MANBA: variants seen among roughly 807,000 people sequenced by gnomAD.
The protein encoded by MANBA is mannosidase beta.
Under a neutral mutation model 111.1 loss-of-function variants are expected in MANBA, and 83 were observed. The observed-to-expected ratio is 0.75, with a 90% CI of 0.63 to 0.90. The LOEUF (loss-of-function observed/expected upper bound fraction) is 0.90. Ranked by LOEUF, MANBA falls within the 40% of genes least tolerant of loss-of-function variation. The pLI is 0.00. For synonymous variants in MANBA, 370 were observed against 378.7 expected (o/e 0.98, Z 0.27); for missense variants, 1,036 against 1,069.0 (o/e 0.97, Z 0.43).
At position 102,670,469 on chromosome 4, in the gene MANBA, T is replaced by G. The variant is rs534932290; in HGVS notation, c.1230+812A>C. 9.2e-5 allele frequency among the ~76,000 whole-genome samples: 14 copies of G among 152,304 alleles called. 1 individual carries two copies. The highest frequency in any genetic ancestry group is 3.4e-4 in the African/African-American group (14 of 41,574). ...GTCTTCGGTGGCACTCTTTATATTT[T>G]AGAACAACAATAATAGAACTAACAG... On this transcript the variant is annotated intron_variant, in intron 9 of 16. Coordinates refer to ENST00000647097, the MANE Select transcript of MANBA (RefSeq NM_005908.4).
At chr4:102,668,136 G>C (rs538587945) in intron 10 of MANBA, 1 of 152,298 alleles carries the variant, frequency 6.6e-6, no homozygotes, top group Non-Finnish European at 1.5e-5. Context: ...ATTTAGGGGA[G>C]AGGAAATATA....
intron 7 of MANBA, chr4:102,681,632 G>A (rs1337160354): frequency 1.3e-5 from 2 of 152,098 alleles, no homozygotes; most frequent in African/African-American, 2.4e-5. Context: ...ACATCGAATT[G>A]AAGTAACTTA....
chr4:102,690,699 C>T lies in MANBA; in HGVS notation c.746G>A (p.Gly249Asp), dbSNP rs1732436667. The change falls in exon 6 of 17, where the codon GGT (glycine) becomes GAT (aspartate). Residue 249 changes from glycine to aspartate, a missense_variant. By Grantham distance (94) the Gly-to-Asp change is moderately conservative. Coordinates refer to ENST00000647097, the MANE Select transcript of MANBA (RefSeq NM_005908.4). ...CTTAGGGATGGCTACGATCACTTGACCACCAACTGGCTTTGAGCTGACAAC... is the reference window on the plus strand; with the variant it reads ...CTTAGGGATGGCTACGATCACTTGATCACCAACTGGCTTTGAGCTGACAAC... ...FDVVSSKPVG[G>D]QVIVAIPKLQ... 1.9e-6 allele frequency: 3 copies of T among 1,609,220 alleles called. No individual in the cohort carries two copies. The South Asian group carries it at 3.3e-5, about 18-fold the overall frequency.
At chr4:102,752,698 T>C in intron 1 of MANBA, 2 of 467,280 alleles carry the variant, frequency 4.3e-6, no homozygotes, top group South Asian at 3.2e-5. Context: ...TGGTAGAAAA[T>C]CATGAAATTA....
At chr4:102,680,938 G>T (rs1731950101) in intron 7 of MANBA, among the ~76,000 whole-genome samples, 1 of 152,092 alleles carries the variant, frequency 6.6e-6, no homozygotes, top group Non-Finnish European at 1.5e-5. Context: ...TTTCCACTCT[G>T]CCACCTTCAA....
chr4:102,743,450 G>A lies in MANBA; in HGVS notation c.178-16767C>T, dbSNP rs185806585. 2.6e-3 allele frequency among the ~76,000 whole-genome samples: 389 copies of A among 152,234 alleles called. 1 individual carries two copies. The highest frequency in any genetic ancestry group is 8.9e-3 in the African/African-American group (371 of 41,522). ...TGTAGTGCTGCAGCTATCCACTTTC[G>A]GGTGGTGCCTGCATATCGTGCAGAA... is the stretch of plus-strand genomic sequence containing the variant. On this transcript the variant is annotated intron_variant, in intron 1 of 16. Transcript: ENST00000647097.
intron 5 of MANBA, among the ~76,000 whole-genome samples, chr4:102,692,368 C>G (rs144034520): frequency 6.6e-6 from 1 of 152,238 alleles, no homozygotes; most frequent in East Asian, 1.9e-4. Context: ...TTGGGGTTGT[C>G]AGAATGTTTC....
intron 10 of MANBA, chr4:102,666,138 A>C (rs1731209944): frequency 6.6e-6 from 1 of 152,268 alleles, no homozygotes; most frequent in Non-Finnish European, 1.5e-5. Flanking sequence ...ACCGTGTTAC[A>C]CACAACCCTC....
chr4:102,636,285 A>G (rs562521344), intron 14 of MANBA, among the ~76,000 whole-genome samples: 12 of 152,344 alleles, frequency 7.9e-5, no homozygotes, highest in African/African-American at 2.6e-4. Flanking sequence ...CATAGAGTGT[A>G]CTTAAACAAA....
intron 1 of MANBA, among the ~76,000 whole-genome samples, 169 bp downstream of exon 1, chr4:102,760,549 C>T (rs1221815724): frequency 2.0e-5 from 3 of 152,244 alleles, no homozygotes; most frequent in Non-Finnish European, 4.4e-5. Context: ...CAAGCCCGTA[C>T]CCCATAGCTT....
chr4:102,675,147 T>C (rs1427058049), intron 7 of MANBA, among the ~76,000 whole-genome samples: 10 of 152,358 alleles, frequency 6.6e-5, no homozygotes, highest in African/African-American at 2.4e-4. Flanking sequence ...TGGGTTCCAA[T>C]ATCTAGAACA....
chr4:102,682,884 T>C (rs1227675278), intron 7 of MANBA: 4 of 152,178 alleles, frequency 2.6e-5, no homozygotes, highest in Non-Finnish European at 5.9e-5. Flanking sequence ...CCTCCAAGAC[T>C]GTGAGAAAAT....
At chr4:102,641,941 C>A (rs979492951) in intron 13 of MANBA, among the ~76,000 whole-genome samples, 1 of 151,306 alleles carries the variant, frequency 6.6e-6, no homozygotes, top group Non-Finnish European at 1.5e-5. Flanking sequence ...AAGAGCATAA[C>A]CAAGACTCTT....
chr4:102,698,122 T>G (rs1578912995), intron 5 of MANBA, among the ~76,000 whole-genome samples: 1 of 151,710 alleles, frequency 6.6e-6, no homozygotes, highest in African/African-American at 2.4e-5. Context: ...TGATGAGCAT[T>G]TTTTCATGTT....
chr4:102,754,076 A>G, intron 1 of MANBA: 1 of 273,964 alleles, frequency 3.7e-6, no homozygotes. Context: ...AGAAATGCCC[A>G]TGTCACCAAT....
At chr4:102,699,659 T>C (rs1732919954) in intron 5 of MANBA, among the ~76,000 whole-genome samples, 1 of 150,660 alleles carries the variant, frequency 6.6e-6, no homozygotes, top group African/African-American at 2.5e-5. Flanking sequence ...ATGTATTACA[T>C]TGATTGATTT....
In MANBA at chr4:102,632,115, G is replaced by GT. The variant is rs1450159790; in HGVS notation, c.2581dup (p.Thr861AsnfsTer5). ...AGATTGCTCCAACTCATTCTTGCTG[G>GT]TGGGCTCCCAAGGGTAAAATAATAT... On this transcript the variant is annotated frameshift_variant, in exon 17 of 17. Transcript: ENST00000647097. LOFTEE classifies it high-confidence loss of function. 1 of 1,612,868 alleles carries GT rather than the reference G, an allele frequency of 6.2e-7. No individual in the cohort carries two copies. Among genetic ancestry groups the GT allele is most frequent in the East Asian group, 2.2e-5 (1 of 44,886 alleles).
chr4:102,632,151 TTC>T lies in MANBA; in HGVS notation c.2544_2545del (p.Lys849AspfsTer16), dbSNP rs749997217. The T allele has an allele frequency of 2.2e-5, 35 of 1,613,598 alleles. No individual in the cohort carries two copies. In the African/African-American group the frequency reaches 4.5e-4, roughly 21 times the overall value. ...AGGGTAAAATAATATAGTTCGTGTCTTCTCAGTCATGAGGAAACCATTGTCAC... is the reference window on the plus strand; with the variant it reads ...AGGGTAAAATAATATAGTTCGTGTCTTCAGTCATGAGGAAACCATTGTCAC... On this transcript the variant is annotated frameshift_variant, in exon 17 of 17. Transcript: ENST00000647097. LOFTEE classifies it high-confidence loss of function.
intron 5 of MANBA, among the ~76,000 whole-genome samples, chr4:102,712,551 G>C (rs565921541): frequency 2.8e-5 from 4 of 143,256 alleles, no homozygotes; most frequent in Admixed American, 7.1e-5. Context: ...ACAGCATCTC[G>C]CTCCATCACC....
Sources: gnomAD v4.1 joint callset for allele counts (sites outside exome capture counted in the v4.1 genomes callset) on GRCh38, gnomAD v4.1.1 for gene constraint, MANE v1.5 for transcripts, NCBI Gene and HGNC (gene_info 2026-07-23, HGNC 2026-07-21) for gene names.